PLXNB1: variants seen among roughly 807,000 people sequenced by gnomAD.
PLXNB1 encodes the protein plexin B1.
PLXNB1 carries 106 observed loss-of-function variants against 209.4 expected under a neutral mutation model. The observed-to-expected ratio is 0.51, with a 90% CI of 0.43 to 0.59. The LOEUF (loss-of-function observed/expected upper bound fraction) is 0.59. Ranked by LOEUF, PLXNB1 falls within the 20% of genes least tolerant of loss-of-function variation. The pLI is 0.00. For missense variants in PLXNB1, 2,357 were observed against 2,853.2 expected (o/e 0.83, Z 3.96); for synonymous variants, 1,167 against 1,183.2 (o/e 0.99, Z 0.28).
rs1184403850 is a variant in PLXNB1 at position 48,419,275 on chromosome 3, C to T, written c.2801G>A (p.Arg934Gln). The T allele has an allele frequency of 4.4e-6, 7 of 1,594,088 alleles. No individual in the cohort carries two copies. The highest frequency in any genetic ancestry group is 6.0e-6 in the Non-Finnish European group (7 of 1,167,400). Residue 934 changes from arginine (R) to glutamine (Q), a missense_variant, in exon 12 of 38, where the codon CGG (arginine) becomes CAG (glutamine). Physicochemically the swap from Arg to Gln is conservative, Grantham distance 43. Around this residue, in one of 7 missense-constraint regions of PLXNB1, gnomAD observed 410 missense variants for 401.0 expected, o/e 1.02. Coordinates refer to ENST00000296440, the MANE Select transcript of PLXNB1 (RefSeq NM_001130082.3). The surrounding 1 kb of genome is among the most constrained non-coding windows in gnomAD (Gnocchi z 5.7). ...AAGGTGCAGGTTCCTGCCTAGCAGC[C>T]GGATTTCCCGCTCCACATGGACCGG... ...LMPVHVEREI[R>Q]LLGRNLHLFQ...
Position 48,414,790 on chromosome 3 carries a change from G to A in PLXNB1, c.4209+9C>T, listed in dbSNP as rs769742733. On this transcript the variant is annotated intron_variant, in intron 21 of 37. Coordinates refer to ENST00000296440, the MANE Select transcript of PLXNB1 (RefSeq NM_001130082.3). The stretch of plus-strand genomic sequence containing the variant: ...TCGGGGCCCTGCCAGGTCCAAGTAG[G>A]AGCTGTACCTCCACGGAGAACACAC... The A allele has an allele frequency of 8.7e-6, 14 of 1,611,606 alleles. No homozygotes were observed. The highest frequency in any genetic ancestry group is 1.1e-5 in the Non-Finnish European group (13 of 1,178,356).
rs1184907148 is a variant in PLXNB1, at chr3:48,410,902, G to A, written c.5382C>T (p.Leu1794=). ...MLDQLYKGVP[L]TQRPDPRTLD... ...GGGTGCGAGGGTCTGGCCGCTGGGT[G>A]AGAGGCACTCCTTTATAAAGCTGGT... The change falls in exon 29 of 38, where the codon CTC becomes CTT. Residue 1794 remains leucine (L), a synonymous_variant. Coordinates refer to ENST00000296440, the MANE Select transcript of PLXNB1 (RefSeq NM_001130082.3). This position sits in a 1 kb window ranked among gnomAD's most constrained non-coding sequence, Gnocchi z 6.4. The A allele has an allele frequency of 1.2e-6, 2 of 1,613,058 alleles. No individual in the cohort carries two copies. The highest frequency in any genetic ancestry group is 1.3e-5 in the African/African-American group (1 of 74,940).
Position 48,409,849 on chromosome 3 carries a change from G to C in PLXNB1, c.5778+56C>G. ...GCCCCACACCACCCCCAAATCCCAC[G>C]AGTGGCCATGCTCCCTCTCAGCCCA... On this transcript the variant is annotated intron_variant, in intron 32 of 37. Coordinates refer to ENST00000296440, the MANE Select transcript of PLXNB1 (RefSeq NM_001130082.3). This position sits in a 1 kb window ranked among gnomAD's most constrained non-coding sequence, Gnocchi z 5.8. The C allele has an allele frequency of 1.3e-6, 2 of 1,580,458 alleles. No homozygotes were observed. Among genetic ancestry groups the C allele is most frequent in the South Asian group, 2.3e-5 (2 of 87,924 alleles).
In PLXNB1 at chr3:48,417,653, C is replaced by A. The variant is rs989098150; in HGVS notation, c.3374+258G>T. Among the ~76,000 whole-genome samples, 1 of 152,170 alleles carries A rather than the reference C, an allele frequency of 6.6e-6. No homozygotes were observed. Among genetic ancestry groups the A allele is most frequent in the African/African-American group, 2.4e-5 (1 of 41,444 alleles). ...CCCTCAGAAGACCAGGTGAGCAGAG[C>A]AGGAAGCAGAGCCACGAGTCAGTTC... On this transcript the variant is annotated intron_variant, in intron 16 of 37. Coordinates refer to ENST00000296440, the MANE Select transcript of PLXNB1 (RefSeq NM_001130082.3). The surrounding 1 kb of genome is among the most constrained non-coding windows in gnomAD (Gnocchi z 4.4).
intron 10 of PLXNB1, 65 bp from the exon 11 acceptor site, chr3:48,420,322 G>A (rs2038423541): frequency 1.2e-5 from 11 of 889,930 alleles, no homozygotes; most frequent in Non-Finnish European, 1.6e-5. Flanking sequence ...ACAGGAGGCA[G>A]GCAGGCACAG....
In PLXNB1 at chr3:48,420,014, C is replaced by T; in HGVS notation, c.2272G>A (p.Glu758Lys). 6.2e-7 allele frequency: 1 copy of T among 1,605,828 alleles called. No homozygotes were observed. Among genetic ancestry groups the T allele is most frequent in the Non-Finnish European group, 8.5e-7 (1 of 1,174,874 alleles). The stretch of plus-strand genomic sequence containing the variant: ...TTTTGGGGGCTGGGAGGGGAGGGCT[C>T]CTCATGGAGAGGCGACCCTGTGGAG... ...PGSTGSPLHE[E>K]PSPPSPQNGP... Residue 758 changes from glutamate (E) to lysine (K), a missense_variant, in exon 11 of 38, where the codon GAG becomes AAG. Around this residue, in one of 7 missense-constraint regions of PLXNB1, gnomAD observed 410 missense variants for 401.0 expected, o/e 1.02. Coordinates refer to ENST00000296440, the MANE Select transcript of PLXNB1 (RefSeq NM_001130082.3).
intron 6 of PLXNB1, 138 bp from the exon 7 acceptor site, chr3:48,421,944 GGGCACTGATGCCCAGTGCAGA>G: frequency 2.2e-6 from 3 of 1,375,220 alleles, no homozygotes; most frequent in South Asian, 2.8e-5. Flanking sequence ...TGCCCTGGCA[GGGCACTGATGCCCAGTGCAGA>G]GGATGGGGGT....
Position 48,422,828 on chromosome 3 carries a change from T to C in PLXNB1, c.1227A>G (p.Ala409=), listed in dbSNP as rs1219788998. ...EWPGIQLTAV[A]VTMEDGHTIA... is the part of the protein sequence containing the mutation. ...TGGTGTGTCCATCTTCCATGGTGACTGCCACAGCTGTTAGCTGAATCCCTG... is the reference window on the plus strand; with the variant it reads ...TGGTGTGTCCATCTTCCATGGTGACCGCCACAGCTGTTAGCTGAATCCCTG... The change falls in exon 4 of 38, where the codon GCA becomes GCG. Residue 409 remains alanine (A), a synonymous_variant. Coordinates refer to ENST00000296440, the MANE Select transcript of PLXNB1 (RefSeq NM_001130082.3). 6.2e-7 allele frequency: 1 copy of C among 1,614,150 alleles called. No homozygotes were observed. Among genetic ancestry groups the C allele is most frequent in the Non-Finnish European group, 8.5e-7 (1 of 1,179,986 alleles).
Position 48,420,017 on chromosome 3 carries a change from C to A in PLXNB1, c.2269G>T (p.Glu757Ter). 6.2e-7 allele frequency: 1 copy of A among 1,606,502 alleles called. No individual in the cohort carries two copies. The highest frequency in any genetic ancestry group is 8.5e-7 in the Non-Finnish European group (1 of 1,175,334). The stretch of plus-strand genomic sequence containing the variant: ...TGGGGGCTGGGAGGGGAGGGCTCCT[C>A]ATGGAGAGGCGACCCTGTGGAGCCA... Reference protein sequence around the residue: ...SPGSTGSPLHEEPSPPSPQNG... With the variant: ...SPGSTGSPLH The change falls in exon 11 of 38, where the codon GAG (glutamate) becomes TAG (stop). Residue 757 changes from glutamate (E) to a stop codon, truncating the protein, a stop_gained. Coordinates refer to ENST00000296440, the MANE Select transcript of PLXNB1 (RefSeq NM_001130082.3). LOFTEE classifies it high-confidence loss of function.
chr3:48,419,994 G>C lies in PLXNB1; in HGVS notation c.2292C>G (p.Pro764=). 2 of 1,597,806 alleles carry C rather than the reference G, an allele frequency of 1.3e-6. No individual in the cohort carries two copies. Among genetic ancestry groups the C allele is most frequent in the Non-Finnish European group, 1.7e-6 (2 of 1,170,066 alleles). Residue 764 remains proline (P), a synonymous_variant, in exon 11 of 38, where the codon CCC becomes CCG. Transcript: ENST00000296440. The surrounding 1 kb of genome is among the most constrained non-coding windows in gnomAD (Gnocchi z 5.7). ...PLHEEPSPPS[P]QNGPGTAVPA... ...GGACAGCGGTTCCAGGTCCATTTTG[G>C]GGGCTGGGAGGGGAGGGCTCCTCAT...
In PLXNB1 at chr3:48,420,882, A is replaced by G; in HGVS notation, c.1885T>C (p.Cys629Arg). The change falls in exon 9 of 38, where the codon TGT (cysteine) becomes CGT (arginine). Residue 629 changes from cysteine to arginine, a missense_variant. Physicochemically the swap from Cys to Arg is radical, Grantham distance 180 (BLOSUM62 -3). Transcript: ENST00000296440. ...IAKTSLSFYD[C>R]VAVTELRPSA... ...GGGCGGAGTTCAGTGACCGCCACAC[A>G]GTCATAGAAAGAGAGGGAAGTTTTG... 6.2e-7 allele frequency: 1 copy of G among 1,614,090 alleles called. No individual in the cohort carries two copies. Among genetic ancestry groups the G allele is most frequent in the Non-Finnish European group, 8.5e-7 (1 of 1,179,908 alleles).
At chr3:48,427,144 T>C (rs937627912) in intron 1 of PLXNB1, among the ~76,000 whole-genome samples, 2 of 152,056 alleles carry the variant, frequency 1.3e-5, no homozygotes, top group Non-Finnish European at 2.9e-5. Context: ...CAAAACTGCA[T>C]TGATGCATGA....
At position 48,423,881 on chromosome 3, in the gene PLXNB1, A is replaced by G; in HGVS notation, c.731T>C (p.Phe244Ser). The G allele has an allele frequency of 6.2e-7, 1 of 1,614,052 alleles. No individual in the cohort carries two copies. The highest frequency in any genetic ancestry group is 8.5e-7 in the Non-Finnish European group (1 of 1,180,006). Residue 244 changes from phenylalanine (F) to serine (S), a missense_variant, in exon 3 of 38, where the codon TTT becomes TCT. Around this residue, in one of 7 missense-constraint regions of PLXNB1, gnomAD observed 404 missense variants for 443.6 expected, o/e 0.91. Transcript: ENST00000296440. ...ACACACTCGAGATACATAGGCACGA[A>G]AAGCTCTAGACTGAGCCTGCAGGTC... is the stretch of plus-strand genomic sequence containing the variant. Reference protein sequence around the residue: ...RRDLQAQSRAFRAYVSRVCLR... With the variant: ...RRDLQAQSRASRAYVSRVCLR...
Position 48,422,818 on chromosome 3 carries a change from C to T in PLXNB1, c.1237G>A (p.Glu413Lys). 1.9e-6 allele frequency: 3 copies of T among 1,614,154 alleles called. No individual in the cohort carries two copies. The highest frequency in any genetic ancestry group is 1.1e-5 in the South Asian group (1 of 91,084). Residue 413 changes from glutamate to lysine, a missense_variant, in exon 4 of 38, where the codon GAA becomes AAA. Coordinates refer to ENST00000296440, the MANE Select transcript of PLXNB1 (RefSeq NM_001130082.3). ...IQLTAVAVTM[E>K]DGHTIAFLGD... ...AGGAAAGCGATGGTGTGTCCATCTTCCATGGTGACTGCCACAGCTGTTAGC... is the reference window on the plus strand; with the variant it reads ...AGGAAAGCGATGGTGTGTCCATCTTTCATGGTGACTGCCACAGCTGTTAGC...
chr3:48,417,154 G>GT lies in PLXNB1; in HGVS notation c.3375-704dup, dbSNP rs367724515. On this transcript the variant is annotated intron_variant, in intron 16 of 37. Transcript: ENST00000296440. The surrounding 1 kb of genome is among the most constrained non-coding windows in gnomAD (Gnocchi z 4.4). ...AACACTAACAGTCTAGATAGTCACCGTAAGTTCTCGGTCATAACACATTCA... is the reference window on the plus strand; with the variant it reads ...AACACTAACAGTCTAGATAGTCACCGTTAAGTTCTCGGTCATAACACATTCA... Among the ~76,000 whole-genome samples, 1,998 of 152,296 alleles carry GT rather than the reference G, an allele frequency of 0.013. 34 individuals carry two copies. The highest frequency in any genetic ancestry group is 0.045 in the African/African-American group (1,870 of 41,554).
In PLXNB1 at chr3:48,415,592, C is replaced by T. The variant is rs1414692068; in HGVS notation, c.3785G>A (p.Ser1262Asn). ...PNITSAGPTK[S>N]FLSGGREICV... ...ACCCCTGGCCCAACACCTGAGGAAG[C>T]TCTTGGTGGGGCCAGCAGAGGTGAT... The change falls in exon 19 of 38, where the codon AGC becomes AAC. Residue 1262 changes from serine to asparagine, a missense_variant. Coordinates refer to ENST00000296440, the MANE Select transcript of PLXNB1 (RefSeq NM_001130082.3). This position sits in a 1 kb window ranked among gnomAD's most constrained non-coding sequence, Gnocchi z 5.0. 6.3e-7 allele frequency: 1 copy of T among 1,579,092 alleles called. No homozygotes were observed. The highest frequency in any genetic ancestry group is 2.3e-5 in the East Asian group (1 of 43,728).
At position 48,416,692 on chromosome 3, in the gene PLXNB1, A is replaced by C; in HGVS notation, c.3375-241T>G. Reference sequence around the variant, plus strand: ...AAGTTCAACCCCAGGGGCCCCCAATAAGGAAGAATTTATCTGTGGCATAAA... The same window carrying C: ...AAGTTCAACCCCAGGGGCCCCCAATCAGGAAGAATTTATCTGTGGCATAAA... On this transcript the variant is annotated intron_variant, in intron 16 of 37. Coordinates refer to ENST00000296440, the MANE Select transcript of PLXNB1 (RefSeq NM_001130082.3). This position sits in a 1 kb window ranked among gnomAD's most constrained non-coding sequence, Gnocchi z 4.1. 1.4e-5 allele frequency: 5 copies of C among 365,152 alleles called. No homozygotes were observed. Among genetic ancestry groups the C allele is most frequent in the Admixed American group, 4.7e-5 (1 of 21,494 alleles). 22.6% of individuals were successfully genotyped at this position (365,152 alleles called of 1,614,324 possible).
rs2037596912 is a variant in PLXNB1, at chr3:48,410,374, C to T, written c.5527G>A (p.Asp1843Asn). The change falls in exon 31 of 38, where the codon GAT becomes AAT. Residue 1843 changes from aspartate to asparagine, a missense_variant. By Grantham distance (23) the Asp-to-Asn change is conservative. Around this residue, in one of 7 missense-constraint regions of PLXNB1, gnomAD observed 414 missense variants for 520.5 expected, o/e 0.80. Transcript: ENST00000296440. The surrounding 1 kb of genome is among the most constrained non-coding windows in gnomAD (Gnocchi z 6.4). ...GGGACGAGGGCCACAGTTGCTCCATCTGGGACCTGCTGAGCACAGCTGGTG... is the reference window on the plus strand; with the variant it reads ...GGGACGAGGGCCACAGTTGCTCCATTTGGGACCTGCTGAGCACAGCTGGTG... The part of the protein sequence containing the change: ...LNTLQHYKVP[D>N]GATVALVPCL... 6.2e-7 allele frequency: 1 copy of T among 1,613,586 alleles called. No homozygotes were observed. The highest frequency in any genetic ancestry group is 8.5e-7 in the Non-Finnish European group (1 of 1,179,654).
At position 48,424,201 on chromosome 3, in the gene PLXNB1, A is replaced by G. The variant is rs1255003212; in HGVS notation, c.411T>C (p.Pro137=). ...LEQLLLRPER[P]GDTQYVAAND... ...TGGCAGCCACATATTGTGTGTCCCC[A>G]GGCCGCTCTGGCCGCAGCAGCAGCT... is the stretch of plus-strand genomic sequence containing the variant. Residue 137 remains proline, a synonymous_variant, in exon 3 of 38, where the codon CCT becomes CCC. Transcript: ENST00000296440. 2.5e-6 allele frequency: 4 copies of G among 1,596,020 alleles called. No homozygotes were observed. The highest frequency in any genetic ancestry group is 3.4e-6 in the Non-Finnish European group (4 of 1,169,850).
Sources: gnomAD v4.1 joint callset for allele counts (sites outside exome capture counted in the v4.1 genomes callset) on GRCh38, gnomAD v4.1.1 for gene constraint, gnomAD v4.1.1 regional missense constraint, Gnocchi (gnomAD v3.1) non-coding constraint, MANE v1.5 for transcripts, NCBI Gene and HGNC (gene_info 2026-07-23, HGNC 2026-07-21) for gene names.